ATG16L2: variants seen among roughly 807,000 people sequenced by gnomAD.
ATG16L2 encodes the protein autophagy related 16 like 2.
A neutral mutation model predicts 84.7 loss-of-function variants in ATG16L2; 77 were observed. That is an observed-to-expected ratio of 0.91 (90% CI 0.76 to 1.10). ATG16L2 has a LOEUF of 1.10. ATG16L2 is among the 50% of genes least tolerant of loss of function. The pLI, the probability that ATG16L2 is intolerant of heterozygous loss-of-function variation, is 0.00. For synonymous variants in ATG16L2, 361 were observed against 342.8 expected (o/e 1.05, Z -0.59); for missense variants, 782 against 817.6 (o/e 0.96, Z 0.53).
chr11:72,827,938 A>ACC (rs1419684198), intron 14 of ATG16L2, among the ~76,000 whole-genome samples: 14 of 152,184 alleles, frequency 9.2e-5, no homozygotes, highest in African/African-American at 3.4e-4. Context: ...TCAAAACAAA[A>ACC]ACAAAACCAA....
chr11:72,828,135 G>A (rs563451221), intron 14 of ATG16L2, among the ~76,000 whole-genome samples: 21 of 150,368 alleles, frequency 1.4e-4, no homozygotes, highest in African/African-American at 5.1e-4. Context: ...GGTTTCAAAG[G>A]CTCCAGCTTT....
At chr11:72,840,632 T>C (rs1860894865) in intron 5 of ATG16L2, among the ~76,000 whole-genome samples, 1 of 152,228 alleles carries the variant, frequency 6.6e-6, no homozygotes, top group Admixed American at 6.5e-5. Flanking sequence ...TAAATCACTT[T>C]CATAGCCATC....
chr11:72,821,636 C>G, intron 3 of ATG16L2, 32 bp from the exon 4 acceptor site: 1 of 1,522,612 alleles, frequency 6.6e-7, no homozygotes, highest in Non-Finnish European at 8.8e-7. Context: ...GGAGGGGCCT[C>G]AGCGCCGCCG....
chr11:72,828,974 G>T lies in ATG16L2; in HGVS notation c.1762G>T (p.Gly588Ter). Residue 588 changes from glycine (G) to a stop codon, truncating the protein, a stop_gained, in exon 17 of 18, where the codon GGA becomes TGA. Coordinates refer to ENST00000321297, the MANE Select transcript of ATG16L2 (RefSeq NM_033388.2). LOFTEE classifies it high-confidence loss of function. ...DTGKLESRLQ[G>*]PHCAAVNAVA... ...CGGGAAACTGGAGAGCAGACTACAGGGACCCCATTGGTGAGCATGGCCTCC... is the reference window on the plus strand; with the variant it reads ...CGGGAAACTGGAGAGCAGACTACAGTGACCCCATTGGTGAGCATGGCCTCC... The T allele has an allele frequency of 6.2e-7, 1 of 1,614,006 alleles. No homozygotes were observed. Among genetic ancestry groups the T allele is most frequent in the East Asian group, 2.2e-5 (1 of 44,874 alleles).
intron 3 of ATG16L2, among the ~76,000 whole-genome samples, chr11:72,820,800 C>T (rs1037527043): frequency 6.6e-6 from 1 of 152,064 alleles, no homozygotes; most frequent in Admixed American, 6.5e-5. Flanking sequence ...GTGGGAGCTG[C>T]CTTGCCTGGG....
chr11:72,829,424 G>A lies in ATG16L2; in HGVS notation c.*34G>A, dbSNP rs767663873. On this transcript the variant is annotated 3_prime_UTR_variant, in exon 18 of 18. Transcript: ENST00000321297. The stretch of plus-strand genomic sequence containing the variant: ...CCTGCCTGCCTGGGCTGGAGCTCTT[G>A]CCCGAAGCCTGAAGCTTCCTTCGGC... 22 of 1,597,266 alleles carry A rather than the reference G, an allele frequency of 1.4e-5. No individual in the cohort carries two copies. The highest frequency in any genetic ancestry group is 4.5e-4 in the Middle Eastern group (2 of 4,482).
At chr11:72,840,854 A>G (rs374388715) in intron 5 of ATG16L2, 1 of 1,541,354 alleles carries the variant, frequency 6.5e-7, no homozygotes, top group Non-Finnish European at 9.0e-7. Flanking sequence ...GCATTCGATA[A>G]TCCTGCAAGA....
intron 1 of ATG16L2, among the ~76,000 whole-genome samples, chr11:72,815,578 A>G (rs1189757867): frequency 5.3e-5 from 8 of 151,620 alleles, no homozygotes; most frequent in East Asian, 1.9e-4. Flanking sequence ...CTGAAATCAG[A>G]CTGAAGGGCC....
Position 72,829,390 on chromosome 11 carries a change from G to A in ATG16L2, c.1860G>A (p.Ter620=). The A allele has an allele frequency of 6.2e-7, 1 of 1,610,322 alleles. No homozygotes were observed. Among genetic ancestry groups the A allele is most frequent in the Non-Finnish European group, 8.5e-7 (1 of 1,178,608 alleles). ...GCAGGAAGGTTGTGCTCTGGCAGTA[G>A]GGCCACGACCTGCCTGCCTGGGCTG... The part of the protein sequence containing the change: ...DQGRKVVLWQ[*] Residue 620 remains the stop codon, a stop_retained_variant, in exon 18 of 18, where the codon TAG becomes TAA. Coordinates refer to ENST00000321297, the MANE Select transcript of ATG16L2 (RefSeq NM_033388.2).
chr11:72,841,608 C>G (rs1860952143), intron 5 of ATG16L2: 2 of 1,569,040 alleles, frequency 1.3e-6, no homozygotes, highest in Non-Finnish European at 8.6e-7. Flanking sequence ...AGCGAGGTTA[C>G]CCGGTGCTCC....
intron 5 of ATG16L2, among the ~76,000 whole-genome samples, chr11:72,841,914 A>G (rs1860966732): frequency 6.6e-6 from 1 of 152,240 alleles, no homozygotes; most frequent in Non-Finnish European, 1.5e-5. Context: ...CAACAACAAA[A>G]GGAACAAGTT....
At position 72,824,723 on chromosome 11, in the gene ATG16L2, C is replaced by T. The variant is rs777470467; in HGVS notation, c.888-11C>T. On this transcript the variant is annotated splice_polypyrimidine_tract_variant and intron_variant, in intron 8 of 17. Transcript: ENST00000321297. ...TGAATGCCCTCCTGACCCCAACCCACCTTACCCCAGTTTTAAGAAGAGGAG... is the reference window on the plus strand; with the variant it reads ...TGAATGCCCTCCTGACCCCAACCCATCTTACCCCAGTTTTAAGAAGAGGAG... 2.5e-6 allele frequency: 4 copies of T among 1,611,728 alleles called. No homozygotes were observed. The highest frequency in any genetic ancestry group is 3.4e-6 in the Non-Finnish European group (4 of 1,177,988).
chr11:72,843,561 T>G (rs1167037459), exon 6 of ATG16L2: 2 of 1,539,984 alleles, frequency 1.3e-6, no homozygotes, highest in East Asian at 4.5e-5. Context: ...ATGGACAAAA[T>G]TAAAAAGGTT....
rs762042459 is a variant in ATG16L2 at position 72,824,070 on chromosome 11, G to A, written c.835G>A (p.Ala279Thr). ...KWKRPFRSAS[A>T]TSLTLSHCVD... ...TTGGTTTTGTCTCAGGTCTGCCTCA[G>A]CCACCTCCCTGACGCTGTCCCACTG... The change falls in exon 8 of 18, where the codon GCC becomes ACC. Residue 279 changes from alanine to threonine, a missense_variant. Ala to Thr is a moderately conservative substitution (Grantham distance 58, BLOSUM62 0). Transcript: ENST00000321297. The A allele has an allele frequency of 1.2e-6, 2 of 1,614,248 alleles. No individual in the cohort carries two copies. The highest frequency in any genetic ancestry group is 1.7e-6 in the Non-Finnish European group (2 of 1,180,030).
rs1210493218 is a variant in ATG16L2, at chr11:72,838,871, G to A, written c.*22-3746G>A. ...TGTGTAGGTGGAGGGGGAGCTGCCC[G>A]GACCTGAGCAGGAAACAATTACGTA... On this transcript the variant is annotated intron_variant, in intron 5 of 5. Transcript: ENST00000534905. 6.3e-7 allele frequency: 1 copy of A among 1,598,442 alleles called. No homozygotes were observed. The highest frequency in any genetic ancestry group is 2.3e-5 in the East Asian group (1 of 44,438).
chr11:72,823,422 ACC>A, intron 7 of ATG16L2: 3 of 316,880 alleles, frequency 9.5e-6, no homozygotes, highest in South Asian at 5.0e-5. Context: ...CACTTGTGGG[ACC>A]TGATTGGGGC....
At chr11:72,838,904 A>G in intron 5 of ATG16L2, 1 of 1,578,560 alleles carries the variant, frequency 6.3e-7, no homozygotes, top group Non-Finnish European at 8.6e-7. Flanking sequence ...GTAGTTTGTC[A>G]GTCAGTTCCT....
At chr11:72,820,662 C>T (rs1294711052) in intron 3 of ATG16L2, among the ~76,000 whole-genome samples, 1 of 152,200 alleles carries the variant, frequency 6.6e-6, no homozygotes, top group Non-Finnish European at 1.5e-5. Flanking sequence ...GGTGGCAGCG[C>T]CAACCGTGCT....
At chr11:72,836,525 G>A (rs1454662688) in intron 5 of ATG16L2, among the ~76,000 whole-genome samples, 1 of 152,044 alleles carries the variant, frequency 6.6e-6, no homozygotes, top group Non-Finnish European at 1.5e-5. Context: ...GAAAAGCAAA[G>A]ACCGTAACCT....
Sources: allele counts gnomAD v4.1 joint callset (sites outside exome capture counted in the v4.1 genomes callset), GRCh38; gene constraint gnomAD v4.1.1; transcripts MANE v1.5; gene names NCBI Gene and HGNC (gene_info 2026-07-23, HGNC 2026-07-21).